Variants in ZNF438 observed in about 807,000 individuals in gnomAD.
ZNF438 encodes zinc finger protein 438.
Under a neutral mutation model 38.0 loss-of-function variants are expected in ZNF438, and 25 were observed. The ratio of observed to expected loss-of-function variants is 0.66; its 90% CI spans 0.48 to 0.92. The LOEUF is 0.92. Ranked by LOEUF, ZNF438 falls within the 40% of genes least tolerant of loss-of-function variation. The pLI is 0.00. For synonymous variants in ZNF438, 372 were observed against 364.1 expected, an observed-to-expected ratio of 1.02 and a Z score of -0.25; for missense variants, 1,007 against 999.6, an observed-to-expected ratio of 1.01 and a Z score of -0.10.
intron 3 of ZNF438, among the ~76,000 whole-genome samples, chr10:30,888,184 C>T (rs1191797752): frequency 6.6e-6 from 1 of 151,972 alleles, no homozygotes; most frequent in Non-Finnish European, 1.5e-5. Context: ...TAAGCACGGA[C>T]CACTTAACTT....
chr10:30,964,501 G>A (rs546745803), intron 1 of ZNF438, among the ~76,000 whole-genome samples: 3 of 152,328 alleles, frequency 2.0e-5, no homozygotes, highest in African/African-American at 7.2e-5. Flanking sequence ...CATCTCTGGA[G>A]AGTCCACAAT....
intron 1 of ZNF438, among the ~76,000 whole-genome samples, chr10:30,975,894 A>T (rs960426813): frequency 1.3e-5 from 2 of 152,098 alleles, no homozygotes; most frequent in Non-Finnish European, 2.9e-5. Flanking sequence ...TGCATAAATT[A>T]TTTAAAATTA....
chr10:30,863,183 C>T (rs2035872371), intron 4 of ZNF438, among the ~76,000 whole-genome samples: 1 of 152,192 alleles, frequency 6.6e-6, no homozygotes, highest in South Asian at 2.1e-4. Flanking sequence ...TAATTATTCC[C>T]TAACATTTCT....
chr10:30,873,453 T>C (rs2133536517), intron 4 of ZNF438, among the ~76,000 whole-genome samples: 1 of 152,370 alleles, frequency 6.6e-6, no homozygotes. Context: ...TGCTGCCAGC[T>C]CTTCCTAGCT....
chr10:30,869,965 C>G (rs1299616273), intron 4 of ZNF438, among the ~76,000 whole-genome samples: 1 of 152,166 alleles, frequency 6.6e-6, no homozygotes, highest in Non-Finnish European at 1.5e-5. Context: ...GCTGGAGAGT[C>G]ACAGATCTTG....
chr10:30,917,088 TACC>T (rs2043725473), intron 2 of ZNF438, among the ~76,000 whole-genome samples: 1 of 152,046 alleles, frequency 6.6e-6, no homozygotes, highest in African/African-American at 2.4e-5. Flanking sequence ...CCCAAATCAT[TACC>T]ACTACCCAAA....
chr10:30,931,487 A>G (rs1476172741), intron 2 of ZNF438, among the ~76,000 whole-genome samples: 1 of 152,226 alleles, frequency 6.6e-6, no homozygotes, highest in African/African-American at 2.4e-5. Flanking sequence ...AACAACAGAA[A>G]TAACACTTTT....
chr10:31,027,647 T>C (rs1179226022), intron 1 of ZNF438, among the ~76,000 whole-genome samples: 1 of 152,198 alleles, frequency 6.6e-6, no homozygotes, highest in Non-Finnish European at 1.5e-5. Context: ...CTGATGTTCC[T>C]GGGAAACTAA....
intron 4 of ZNF438, among the ~76,000 whole-genome samples, chr10:30,864,276 G>A (rs952419459): frequency 6.6e-6 from 1 of 152,090 alleles, no homozygotes; most frequent in African/African-American, 2.4e-5. Flanking sequence ...GTACAAAAAG[G>A]TGCATCTGAA....
At position 30,938,624 on chromosome 10, in the gene ZNF438, C is replaced by T. The variant is rs118155238; in HGVS notation, c.-115+2951G>A. Among the ~76,000 whole-genome samples the T allele has an allele frequency of 9.9e-3, 1,508 of 152,276 alleles. 15 individuals carry two copies. The highest frequency in any genetic ancestry group is 0.018 in the Non-Finnish European group (1,219 of 68,026). On this transcript the variant is annotated intron_variant, in intron 2 of 5. Transcript: ENST00000413025. ...AGCTAAGTGAAATCCCACCAGTATC[C>T]TTACAACCATGGGGATATGATATTC...
chr10:30,910,792 C>A (rs1397310873), intron 2 of ZNF438, among the ~76,000 whole-genome samples: 1 of 150,616 alleles, frequency 6.6e-6, no homozygotes, highest in Non-Finnish European at 1.5e-5. Flanking sequence ...TTTGTGTAAG[C>A]ATTCTGTGGT....
chr10:30,886,866 C>A lies in ZNF438; in HGVS notation c.-31-9801G>T, dbSNP rs573979168. Among the ~76,000 whole-genome samples the A allele has an allele frequency of 3.9e-5, 6 of 152,228 alleles. 1 individual carries two copies. Among genetic ancestry groups the A allele is most frequent in the African/African-American group, 1.4e-4 (6 of 41,538 alleles). ...GATAATTTACATTCAACAAAATGCA[C>A]CCCACTTTAAGATGAGCTTTGACAA... is the stretch of plus-strand genomic sequence containing the variant. On this transcript the variant is annotated intron_variant, in intron 3 of 5. Coordinates refer to ENST00000413025, the Ensembl canonical transcript of ZNF438.
intron 1 of ZNF438, among the ~76,000 whole-genome samples, chr10:30,945,396 T>A (rs938928930): frequency 2.0e-5 from 3 of 151,686 alleles, no homozygotes; most frequent in African/African-American, 7.3e-5. Context: ...TACTTTTTTT[T>A]TTTTTATTTT....
At chr10:30,911,384 T>C (rs1402244834) in intron 2 of ZNF438, among the ~76,000 whole-genome samples, 3 of 152,200 alleles carry the variant, frequency 2.0e-5, no homozygotes, top group Non-Finnish European at 2.9e-5. Context: ...TAACATGTGA[T>C]GTGTCAGAAG....
At chr10:30,918,481 T>A (rs984717269) in intron 2 of ZNF438, among the ~76,000 whole-genome samples, 2 of 152,182 alleles carry the variant, frequency 1.3e-5, no homozygotes, top group African/African-American at 4.8e-5. Context: ...TTTTGTTGAA[T>A]TTATTCCTAA....
intron 1 of ZNF438, among the ~76,000 whole-genome samples, chr10:31,025,688 T>A (rs2056892776): frequency 6.6e-6 from 1 of 152,162 alleles, no homozygotes; most frequent in Non-Finnish European, 1.5e-5. Context: ...TCTTTTGGGG[T>A]TAAAACTTGG....
intron 1 of ZNF438, among the ~76,000 whole-genome samples, chr10:30,955,560 G>A (rs2048771480): frequency 6.6e-6 from 1 of 152,182 alleles, no homozygotes; most frequent in South Asian, 2.1e-4. Context: ...AGGTCATGTA[G>A]ACTTAGCCTT....
At position 30,852,752 on chromosome 10, in the gene ZNF438, T is replaced by C. The variant is rs147295855; in HGVS notation, c.38-2385A>G. Among the ~76,000 whole-genome samples, 371 of 152,354 alleles carry C rather than the reference T, an allele frequency of 2.4e-3. 5 individuals carry two copies. The East Asian group carries it at 0.035, about 15-fold the overall frequency. Reference sequence around the variant, plus strand: ...GTACAAGGACTAGTGAGTGCTATTGTCTGGAAAAATCAGACAAAGATAATT... The same window carrying C: ...GTACAAGGACTAGTGAGTGCTATTGCCTGGAAAAATCAGACAAAGATAATT... On this transcript the variant is annotated intron_variant, in intron 4 of 5. Coordinates refer to ENST00000413025, the Ensembl canonical transcript of ZNF438.
In ZNF438 at chr10:30,875,576, C is replaced by G. The variant is rs2038287261; in HGVS notation, c.37+1422G>C. On this transcript the variant is annotated intron_variant, in intron 4 of 5. Transcript: ENST00000413025. ...CAAACCCTTCATCAGCTACCAAGTGCTGCACAAATCTTCCAGAGGATATAT... is the reference window on the plus strand; with the variant it reads ...CAAACCCTTCATCAGCTACCAAGTGGTGCACAAATCTTCCAGAGGATATAT... The G allele has an allele frequency of 3.0e-6, 3 of 985,428 alleles. No individual in the cohort carries two copies. In the Admixed American group the frequency reaches 1.8e-4, roughly 60 times the overall value. The allele number at this position is 985,428 out of a possible 1,614,324, so 61.0% of individuals were successfully genotyped here. A position where few individuals can be genotyped will look rare whatever the true frequency, so the allele number is the denominator to read the frequency against.
Sources: allele counts gnomAD v4.1 joint callset (sites outside exome capture counted in the v4.1 genomes callset), GRCh38; gene constraint gnomAD v4.1.1; transcripts MANE v1.5; gene names NCBI Gene and HGNC (gene_info 2026-07-23, HGNC 2026-07-21).